Variants in GNB5 observed in about 807,000 individuals in gnomAD.
GNB5 encodes the protein guanine nucleotide-binding protein subunit beta-5.
In GNB5, 37 loss-of-function variants were observed where a neutral mutation model predicts 55.3. The ratio of observed to expected loss-of-function variants is 0.67; its 90% CI spans 0.51 to 0.88. GNB5 has a LOEUF of 0.88. Among genes scored for constraint, GNB5 ranks in the 40% least tolerant of loss-of-function variants. GNB5 has a pLI of 0.00. For missense variants in GNB5, 476 were observed against 515.3 expected, an observed-to-expected ratio of 0.92 and a Z score of 0.74; for synonymous variants, 219 against 198.5, an observed-to-expected ratio of 1.10 and a Z score of -0.87.
chr15:52,154,135 C>G (rs2034158815), intron 3 of GNB5, 59 bp from the exon 4 acceptor site: 1 of 1,549,422 alleles, frequency 6.5e-7, no homozygotes, highest in East Asian at 2.3e-5. Context: ...GGGCTTTGGG[C>G]TGACACAGCA....
Position 52,126,012 on chromosome 15 carries a change from C to G in GNB5, c.945G>C (p.Glu315Asp). Residue 315 changes from glutamate (E) to aspartate (D), a missense_variant, in exon 11 of 13, where the codon GAG becomes GAC. Coordinates refer to ENST00000261837, the MANE Select transcript of GNB5 (RefSeq NM_016194.4). ...CRLYDLRADR[E>D]VAIYSKESII... ...TGCTTTCTTTGGAATAGATGGCAAC[C>G]TCCCTATCTGCCCGCAGGTCATAGA... 6.3e-7 allele frequency: 1 copy of G among 1,586,640 alleles called. No individual in the cohort carries two copies. Among genetic ancestry groups the G allele is most frequent in the Non-Finnish European group, 8.6e-7 (1 of 1,157,604 alleles).
rs1368100443 is a variant in GNB5, at chr15:52,160,324, G to A, written c.239-6248C>T. Reference sequence around the variant, plus strand: ...GCAGACAATGACCCAATCCATGGGAGTGTTGTGAGGTTCAACTGAGAAGGC... The same window carrying A: ...GCAGACAATGACCCAATCCATGGGAATGTTGTGAGGTTCAACTGAGAAGGC... On this transcript the variant is annotated intron_variant, in intron 3 of 12. Coordinates refer to ENST00000261837, the MANE Select transcript of GNB5 (RefSeq NM_016194.4). Among the ~76,000 whole-genome samples, 3 of 152,224 alleles carry A rather than the reference G, an allele frequency of 2.0e-5. No homozygotes were observed. The East Asian group carries it at 5.8e-4, about 29-fold the overall frequency.
chr15:52,160,298 G>A (rs2034304153), intron 3 of GNB5, among the ~76,000 whole-genome samples: 2 of 152,158 alleles, frequency 1.3e-5, no homozygotes, highest in Admixed American at 1.3e-4. Context: ...TTAGGAAAAT[G>A]GCAGACAATG....
intron 11 of GNB5, chr15:52,125,747 C>A: frequency 1.8e-6 from 1 of 554,954 alleles, no homozygotes; most frequent in Non-Finnish European, 3.2e-6. Context: ...TTCATTTCCC[C>A]CTGGAGTGAA....
In GNB5 at chr15:52,117,104, T is replaced by TATATATATATA. The variant is rs1566928457; in HGVS notation, c.*5652_*5653insTATATATATAT. On this transcript the variant is annotated 3_prime_UTR_variant, in exon 13 of 13. Transcript: ENST00000261837. ...ACGCCCAGCTAATATATATATATAT[T>TATATATATATA]TTTTTTTAGTACAGACAGGGTTTCA... 2.0e-4 allele frequency: 13 copies of TATATATATATA among 66,074 alleles called. 2 individuals are homozygous for TATATATATATA. Among genetic ancestry groups the TATATATATATA allele is most frequent in the Admixed American group, 7.5e-4 (5 of 6,704 alleles). The allele number at this position is 66,074 out of a possible 1,614,324, so 4.1% of individuals were successfully genotyped here. A position where few individuals can be genotyped will look rare whatever the true frequency, so the allele number is the denominator to read the frequency against.
chr15:52,132,536 G>A (rs891963769), intron 9 of GNB5, among the ~76,000 whole-genome samples: 2 of 147,066 alleles, frequency 1.4e-5, no homozygotes, highest in African/African-American at 5.1e-5. Flanking sequence ...TGCCTAGGCT[G>A]GAGTGCAATG....
Position 52,179,835 on chromosome 15 carries a change from C to T in GNB5, c.171G>A (p.Leu57=). 6.4e-7 allele frequency: 1 copy of T among 1,553,944 alleles called. No homozygotes were observed. The highest frequency in any genetic ancestry group is 2.6e-5 in the East Asian group (1 of 38,188). ...CCTTGAGGCTCTCGGCCTCGCTCTT[C>T]AGCGACGCCAGCGTCTCGTTCTCGT... The part of the protein sequence containing the change: ...GLHENETLAS[L]KSEAESLKGK... Residue 57 remains leucine (L), a synonymous_variant, in exon 3 of 13, where the codon CTG becomes CTA. Coordinates refer to ENST00000261837, the MANE Select transcript of GNB5 (RefSeq NM_016194.4).
chr15:52,142,237 T>C (rs1253249230), intron 6 of GNB5, among the ~76,000 whole-genome samples: 2 of 152,178 alleles, frequency 1.3e-5, no homozygotes, highest in African/African-American at 2.4e-5. Context: ...GGTAATTTGT[T>C]TGTAATCAGT....
intron 6 of GNB5, among the ~76,000 whole-genome samples, chr15:52,146,998 G>T (rs1328687262): frequency 6.6e-6 from 1 of 152,068 alleles, no homozygotes; most frequent in Admixed American, 6.5e-5. Context: ...CAGATCAAAG[G>T]CTATCCATTT....
At chr15:52,138,652 G>C (rs931096541) in intron 7 of GNB5, 1 of 152,056 alleles carries the variant, frequency 6.6e-6, no homozygotes, top group Non-Finnish European at 1.5e-5. Context: ...AATCTCTCCT[G>C]GCCCACACCC....
At chr15:52,168,166 G>A (rs1035631056) in intron 3 of GNB5, among the ~76,000 whole-genome samples, 1 of 152,196 alleles carries the variant, frequency 6.6e-6, no homozygotes, top group Non-Finnish European at 1.5e-5. Context: ...TCAGGCAAGA[G>A]AAAGAAACAA....
intron 6 of GNB5, among the ~76,000 whole-genome samples, chr15:52,145,309 A>G (rs752215613): frequency 2.0e-5 from 3 of 152,106 alleles, no homozygotes; most frequent in Non-Finnish European, 4.4e-5. Context: ...CCATCTATAA[A>G]GTGGAGACAC....
Position 52,155,130 on chromosome 15 carries a change from C to T in GNB5, c.239-1054G>A, listed in dbSNP as rs186513532. 8.5e-5 allele frequency among the ~76,000 whole-genome samples: 13 copies of T among 152,330 alleles called. No homozygotes were observed. In the East Asian group the frequency reaches 2.5e-3, roughly 29 times the overall value. ...TATGTGAGAAGGAGAAGCCAGGGCT[C>T]TGAACTGTCCATCTACATCTCCTTC... On this transcript the variant is annotated intron_variant, in intron 3 of 12. Transcript: ENST00000261837.
rs1305978769 is a variant in GNB5 at position 52,116,041 on chromosome 15, A to T, written c.*6716T>A. The T allele has an allele frequency of 6.6e-6, 1 of 152,184 alleles. No homozygotes were observed. Among genetic ancestry groups the T allele is most frequent in the Admixed American group, 6.5e-5 (1 of 15,284 alleles). The allele number at this position is 152,184 out of a possible 1,614,324, so 9.4% of individuals were successfully genotyped here. On this transcript the variant is annotated 3_prime_UTR_variant, in exon 13 of 13. Transcript: ENST00000261837. The stretch of plus-strand genomic sequence containing the variant: ...TTGTATTCCATTCTGTGGATGCGCC[A>T]TATTTTGTTCATCGATTCATCCACT...
intron 7 of GNB5, chr15:52,138,401 ACT>A (rs1420911709): frequency 4.7e-5 from 7 of 147,420 alleles, no homozygotes; most frequent in Non-Finnish European, 8.9e-5. Context: ...AAAAAAAAAA[ACT>A]CATTTTTTTT....
At position 52,121,513 on chromosome 15, in the gene GNB5, A is replaced by G. The variant is rs1010043151; in HGVS notation, c.*1244T>C. On this transcript the variant is annotated 3_prime_UTR_variant, in exon 13 of 13. Coordinates refer to ENST00000261837, the MANE Select transcript of GNB5 (RefSeq NM_016194.4). ...AATAAAGAGAAGATCTTCTTTTAAT[A>G]TCGTTTTTCTATGTAAGAGGAGCAG... The G allele has an allele frequency of 2.0e-4, 1 of 4,980 alleles. No homozygotes were observed. Among genetic ancestry groups the G allele is most frequent in the Admixed American group, 3.2e-3 (1 of 312 alleles). The allele number at this position is 4,980 out of a possible 1,614,324, so 0.3% of individuals were successfully genotyped here. A position where few individuals can be genotyped will look rare whatever the true frequency, so the allele number is the denominator to read the frequency against.
chr15:52,187,914 A>G (rs2034867554), intron 1 of GNB5, among the ~76,000 whole-genome samples: 1 of 151,918 alleles, frequency 6.6e-6, no homozygotes, highest in Non-Finnish European at 1.5e-5. Flanking sequence ...ATGCCACTGC[A>G]CTCCAGCCTG....
chr15:52,185,753 T>TTTTTTATTATTA (rs1555409559), intron 1 of GNB5, among the ~76,000 whole-genome samples: 7 of 136,712 alleles, frequency 5.1e-5, no homozygotes, highest in East Asian at 2.1e-4. Context: ...TATTCATCTT[T>TTTTTTATTATTA]TTATTATTAT....
At chr15:52,122,913 C>A in intron 12 of GNB5, 145 bp from the exon 13 acceptor site, 1 of 678,704 alleles carries the variant, frequency 1.5e-6, no homozygotes, top group Admixed American at 2.4e-5. Context: ...CACAAACATA[C>A]ACACTCCATC....
Sources: gnomAD v4.1 joint callset for allele counts (sites outside exome capture counted in the v4.1 genomes callset) on GRCh38, gnomAD v4.1.1 for gene constraint, MANE v1.5 for transcripts, NCBI Gene and HGNC (gene_info 2026-07-23, HGNC 2026-07-21) for gene names.